ARFGEF2: variants seen among roughly 807,000 people sequenced by gnomAD.
ARFGEF2 encodes ARF guanine nucleotide exchange factor 2.
In ARFGEF2, 74 loss-of-function variants were observed where a neutral mutation model predicts 219.9. The observed-to-expected ratio is 0.34, with a 90% CI of 0.28 to 0.41. The LOEUF is 0.41. Among genes scored for constraint, ARFGEF2 ranks in the 10% least tolerant of loss-of-function variants. ARFGEF2 has a pLI of 1.00. For synonymous variants in ARFGEF2, 733 were observed against 799.2 expected (o/e 0.92, Z 1.40); for missense variants, 1,743 against 2,218.3 (o/e 0.79, Z 4.30).
At chr20:49,016,546 G>A (rs1375052847) in intron 31 of ARFGEF2, 131 bp downstream of exon 31, 19 of 1,044,780 alleles carry the variant, frequency 1.8e-5, no homozygotes, top group African/African-American at 3.2e-5. Context: ...AAATGTATAC[G>A]TTTTAATTAC....
chr20:48,970,835 C>T (rs932523976), intron 9 of ARFGEF2, among the ~76,000 whole-genome samples: 7 of 152,096 alleles, frequency 4.6e-5, no homozygotes, highest in Admixed American at 1.3e-4. Flanking sequence ...TCTTGCAGTA[C>T]AGTTGCAGAA....
Position 48,974,430 on chromosome 20 carries a change from T to A in ARFGEF2, c.1666-336T>A, listed in dbSNP as rs959474824. Among the ~76,000 whole-genome samples, 2 of 152,168 alleles carry A rather than the reference T, an allele frequency of 1.3e-5. 1 individual carries two copies. The highest frequency in any genetic ancestry group is 1.3e-4 in the Admixed American group (2 of 15,280). On this transcript the variant is annotated intron_variant, in intron 12 of 38. Transcript: ENST00000371917. ...CCTGCCCAAGATCTTGTTATTTTTT[T>A]AAAAATAGAAAAATTTAAAATTTTT... is the stretch of plus-strand genomic sequence containing the variant.
At chr20:49,008,205 A>T (rs1184025300) in intron 26 of ARFGEF2, among the ~76,000 whole-genome samples, 1 of 152,222 alleles carries the variant, frequency 6.6e-6, no homozygotes, top group Non-Finnish European at 1.5e-5. Context: ...TATCTAAATA[A>T]ACAAGTGTTA....
chr20:48,922,644 G>T (rs550015152), intron 1 of ARFGEF2, among the ~76,000 whole-genome samples: 55 of 152,342 alleles, frequency 3.6e-4, no homozygotes, highest in African/African-American at 1.3e-3. Context: ...TATCCCTTGC[G>T]CTTGCAACAG....
chr20:48,974,789 C>A lies in ARFGEF2; in HGVS notation c.1689C>A (p.Gly563=). The A allele has an allele frequency of 1.2e-6, 2 of 1,613,704 alleles. No individual in the cohort carries two copies. The highest frequency in any genetic ancestry group is 1.7e-6 in the Non-Finnish European group (2 of 1,179,848). ...AGGAGCTCAGCCTGAGGAAGAAAGG[C>A]CTGGAGTGCCTCGTGTCCATTCTCA... The part of the protein sequence containing the change: ...PLQELSLRKK[G]LECLVSILKC... The change falls in exon 13 of 39, where the codon GGC becomes GGA. Residue 563 remains glycine, a synonymous_variant. Transcript: ENST00000371917.
chr20:48,922,020 C>T lies in ARFGEF2; in HGVS notation c.121+10C>T, dbSNP rs752804145. ...TGCCAGGTGGCGCTCGGTGGGTGAG[C>T]CGCTCCCGCCCTGCCCCGCGCTGGC... On this transcript the variant is annotated intron_variant, in intron 1 of 38. Transcript: ENST00000371917. 1.9e-6 allele frequency: 3 copies of T among 1,572,264 alleles called. No homozygotes were observed. The highest frequency in any genetic ancestry group is 2.6e-6 in the Non-Finnish European group (3 of 1,159,666).
In ARFGEF2 at chr20:48,953,934, C is replaced by T. The variant is rs1199532348; in HGVS notation, c.838+144C>T. On this transcript the variant is annotated intron_variant, in intron 6 of 38. Transcript: ENST00000371917. Reference sequence around the variant, plus strand: ...TCTGGGCCTTTCCCTTTGCTTTTCTCTTAGGGAACACAACCAGTGAGGCAT... The same window carrying T: ...TCTGGGCCTTTCCCTTTGCTTTTCTTTTAGGGAACACAACCAGTGAGGCAT... The T allele has an allele frequency of 4.5e-6, 4 of 887,816 alleles. No homozygotes were observed. In the Admixed American group the frequency reaches 6.0e-5, roughly 13 times the overall value. 55.0% of individuals were successfully genotyped at this position (887,816 alleles called of 1,614,324 possible).
intron 1 of ARFGEF2, among the ~76,000 whole-genome samples, chr20:48,922,540 C>G (rs559798438): frequency 6.6e-6 from 1 of 152,258 alleles, no homozygotes; most frequent in African/African-American, 2.4e-5. Flanking sequence ...ATCTCCCAGG[C>G]ATTGTAGTGA....
intron 1 of ARFGEF2, among the ~76,000 whole-genome samples, chr20:48,933,963 T>G (rs912657000): frequency 3.3e-5 from 5 of 151,672 alleles, no homozygotes; most frequent in Admixed American, 1.3e-4. Flanking sequence ...CTACTAAAAA[T>G]ATAAAAATTA....
chr20:48,946,477 T>TTATA lies in ARFGEF2; in HGVS notation c.276+4506_276+4509dup, dbSNP rs35152962. Among the ~76,000 whole-genome samples the TTATA allele has an allele frequency of 9.4e-3, 1,360 of 145,208 alleles. 7 individuals are homozygous for TTATA. The highest frequency in any genetic ancestry group is 0.013 in the Admixed American group (183 of 14,552). On this transcript the variant is annotated intron_variant, in intron 3 of 38. Transcript: ENST00000371917. ...AAGTTTTTCTGGTCACATATCAATT[T>TTATA]TATATATATATATATATATTTTTAT...
Position 48,989,529 on chromosome 20 carries a change from G to A in ARFGEF2, c.2686-27G>A. On this transcript the variant is annotated intron_variant, in intron 19 of 38. Coordinates refer to ENST00000371917, the MANE Select transcript of ARFGEF2 (RefSeq NM_006420.3). ...CTCTTTCCACGCTAAAACTCTGGAT[G>A]TTATTGAAATCTTCCTTCCATGATA... 5 of 1,614,244 alleles carry A rather than the reference G, an allele frequency of 3.1e-6. No homozygotes were observed. In the South Asian group the frequency reaches 4.4e-5, roughly 14 times the overall value.
chr20:49,021,637 G>A (rs2123551877), intron 34 of ARFGEF2, among the ~76,000 whole-genome samples: 1 of 151,768 alleles, frequency 6.6e-6, no homozygotes. Context: ...CATGAGGTCA[G>A]GAGTTCAAGA....
At position 49,024,234 on chromosome 20, in the gene ARFGEF2, A is replaced by G. The variant is rs537178906; in HGVS notation, c.4755+1053A>G. ...GCAATCTGCCCACCTCAGCCTCCCA[A>G]AGTGTTGGGATTGCAGGCGTGCACC... On this transcript the variant is annotated intron_variant, in intron 35 of 38. Coordinates refer to ENST00000371917, the MANE Select transcript of ARFGEF2 (RefSeq NM_006420.3). Among the ~76,000 whole-genome samples the G allele has an allele frequency of 3.0e-4, 45 of 152,208 alleles. 2 individuals are homozygous for G. The South Asian group carries it at 9.1e-3, about 31-fold the overall frequency.
In ARFGEF2 at chr20:48,984,749, G is replaced by A. The variant is rs772051446; in HGVS notation, c.1979G>A (p.Arg660Lys). The change falls in exon 15 of 39, where the codon AGG becomes AAG. Residue 660 changes from arginine to lysine, a missense_variant. Around this residue, in one of 5 missense-constraint regions of ARFGEF2, gnomAD observed 666 missense variants for 955.4 expected, o/e 0.70. Transcript: ENST00000371917. The stretch of plus-strand genomic sequence containing the variant: ...AACAGGTTCAACAAGAAACCCAAGA[G>A]GGGGATCCAGTTTCTCCAGGAGCAG... ...GIELFNKKPK[R>K]GIQFLQEQGM... is the part of the protein sequence containing the mutation. 2 of 1,613,988 alleles carry A rather than the reference G, an allele frequency of 1.2e-6. No individual in the cohort carries two copies. Among genetic ancestry groups the A allele is most frequent in the African/African-American group, 2.7e-5 (2 of 75,020 alleles).
chr20:48,988,467 GTTTT>G lies in ARFGEF2; in HGVS notation c.2362-22_2362-19del. 1.2e-6 allele frequency: 2 copies of G among 1,610,672 alleles called. No homozygotes were observed. The highest frequency in any genetic ancestry group is 4.5e-5 in the East Asian group (2 of 44,804). On this transcript the variant is annotated intron_variant, in intron 17 of 38. Coordinates refer to ENST00000371917, the MANE Select transcript of ARFGEF2 (RefSeq NM_006420.3). ...TGGGCAATTGGATGTTTTTTAAATG[GTTTT>G]TAATTTTTTTTAATTACAGGTAAAA...
At chr20:49,019,708 T>C (rs1413917117) in intron 34 of ARFGEF2, among the ~76,000 whole-genome samples, 2 of 152,252 alleles carry the variant, frequency 1.3e-5, no homozygotes, top group African/African-American at 4.8e-5. Flanking sequence ...AACTTTGGAC[T>C]AATTTAACTT....
chr20:48,945,880 A>G (rs1423524959), intron 3 of ARFGEF2, among the ~76,000 whole-genome samples: 1 of 152,118 alleles, frequency 6.6e-6, no homozygotes, highest in African/African-American at 2.4e-5. Flanking sequence ...AAAAGGAAAA[A>G]CACACAGAAA....
At position 48,955,313 on chromosome 20, in the gene ARFGEF2, A is replaced by G. The variant is rs145405347; in HGVS notation, c.838+1523A>G. On this transcript the variant is annotated intron_variant, in intron 6 of 38. Transcript: ENST00000371917. ...AACCCCTTGTATCTTCAGGTCTCTC[A>G]GTTCAGACTGAGAGAGGCTTCTCTG... is the stretch of plus-strand genomic sequence containing the variant. 3.9e-5 allele frequency among the ~76,000 whole-genome samples: 6 copies of G among 152,304 alleles called. No individual in the cohort carries two copies. In the East Asian group the frequency reaches 9.6e-4, roughly 24 times the overall value.
At chr20:48,969,631 T>A (rs1311497875) in intron 9 of ARFGEF2, among the ~76,000 whole-genome samples, 1 of 152,254 alleles carries the variant, frequency 6.6e-6, no homozygotes, top group Non-Finnish European at 1.5e-5. Flanking sequence ...CTCAGTTCCC[T>A]GTTCTGTTGG....
Sources: allele counts gnomAD v4.1 joint callset (sites outside exome capture counted in the v4.1 genomes callset), GRCh38; gene constraint gnomAD v4.1.1; regional missense constraint gnomAD v4.1.1; transcripts MANE v1.5; gene names NCBI Gene and HGNC (gene_info 2026-07-23, HGNC 2026-07-21).